The following UBE3D variants were observed in gnomAD, a reference collection of about 807,000 sequenced individuals.
The protein encoded by UBE3D is ubiquitin protein ligase E3D.
Under a neutral mutation model 49.6 loss-of-function variants are expected in UBE3D, and 48 were observed. The observed-to-expected ratio is 0.97, with a 90% CI of 0.77 to 1.23. The LOEUF is 1.23. Ranked by LOEUF, UBE3D falls within the 50% of genes most tolerant of loss-of-function variation. UBE3D has a pLI of 0.00. For missense variants in UBE3D, 452 were observed against 468.4 expected, an observed-to-expected ratio of 0.96 and a Z score of 0.32; for synonymous variants, 189 against 174.2, an observed-to-expected ratio of 1.08 and a Z score of -0.67.
chr6:83,011,100 T>G (rs1780307499), intron 8 of UBE3D, among the ~76,000 whole-genome samples: 1 of 152,136 alleles, frequency 6.6e-6, no homozygotes. Flanking sequence ...ACAACGGAAA[T>G]GCACCAATCC....
rs1197785419 is a variant in UBE3D at position 82,892,783 on chromosome 6, C to G, written c.*239G>C. 3.9e-6 allele frequency: 2 copies of G among 513,664 alleles called. No individual in the cohort carries two copies. Among genetic ancestry groups the G allele is most frequent in the African/African-American group, 3.9e-5 (2 of 51,528 alleles). 31.8% of individuals were successfully genotyped at this position (513,664 alleles called of 1,614,324 possible). On this transcript the variant is annotated 3_prime_UTR_variant, in exon 10 of 10. Transcript: ENST00000369747. ...GGGAAATAGAGATGTAACTTCTACACTTGCCTCAACCTGCTACTATGACTT... is the reference window on the plus strand; with the variant it reads ...GGGAAATAGAGATGTAACTTCTACAGTTGCCTCAACCTGCTACTATGACTT...
At chr6:82,933,715 A>C (rs1194592072) in intron 9 of UBE3D, among the ~76,000 whole-genome samples, 1 of 152,210 alleles carries the variant, frequency 6.6e-6, no homozygotes, top group Non-Finnish European at 1.5e-5. Flanking sequence ...ATGAAAACAA[A>C]GGTTAAATCA....
At chr6:82,976,529 T>G (rs1358724696) in intron 8 of UBE3D, among the ~76,000 whole-genome samples, 1 of 152,154 alleles carries the variant, frequency 6.6e-6, no homozygotes, top group Non-Finnish European at 1.5e-5. Flanking sequence ...CCCAACCTGT[T>G]TAAGTTTTTA....
At chr6:82,953,858 G>T (rs150000117) in intron 9 of UBE3D, among the ~76,000 whole-genome samples, 1 of 152,208 alleles carries the variant, frequency 6.6e-6, no homozygotes, top group Non-Finnish European at 1.5e-5. Context: ...TGTGAAGAAG[G>T]GGGGTCAGGT....
intron 8 of UBE3D, among the ~76,000 whole-genome samples, chr6:83,011,288 T>G (rs1780320421): frequency 6.6e-6 from 1 of 152,204 alleles, no homozygotes; most frequent in Non-Finnish European, 1.5e-5. Flanking sequence ...ACACTTACAT[T>G]CCTTGTTTCT....
rs536775207 is a variant in UBE3D, at chr6:82,945,145, T to C, written c.1149+12167A>G. On this transcript the variant is annotated intron_variant, in intron 9 of 9. Transcript: ENST00000369747. ...GGTGTTGGCCAAGTATTGGTTACAG[T>C]GGACACTGGGTGAGACTCAGGGATG... Among the ~76,000 whole-genome samples, 4 of 152,274 alleles carry C rather than the reference T, an allele frequency of 2.6e-5. No individual in the cohort carries two copies. The East Asian group carries it at 7.7e-4, about 29-fold the overall frequency.
chr6:82,971,600 A>T (rs1441896427), intron 8 of UBE3D, among the ~76,000 whole-genome samples: 2 of 151,912 alleles, frequency 1.3e-5, no homozygotes, highest in Non-Finnish European at 2.9e-5. Context: ...TCTTTTTTTT[A>T]AAATATTGAG....
intron 8 of UBE3D, among the ~76,000 whole-genome samples, chr6:82,991,730 C>T (rs1019038444): frequency 6.6e-6 from 1 of 152,044 alleles, no homozygotes; most frequent in African/African-American, 2.4e-5. Flanking sequence ...GCATAGCAAT[C>T]CCTGAGCAGT....
chr6:82,927,280 A>C (rs1409341868), intron 9 of UBE3D, among the ~76,000 whole-genome samples: 1 of 151,642 alleles, frequency 6.6e-6, no homozygotes, highest in East Asian at 1.9e-4. Flanking sequence ...GTAAGTCTTA[A>C]AGTAGGGTAG....
intron 8 of UBE3D, among the ~76,000 whole-genome samples, chr6:83,014,347 C>T (rs1780545986): frequency 6.6e-6 from 1 of 152,204 alleles, no homozygotes; most frequent in African/African-American, 2.4e-5. Context: ...TAGGTAGAGT[C>T]AGCTCTAATG....
At chr6:83,000,152 A>G (rs1198726053) in intron 8 of UBE3D, among the ~76,000 whole-genome samples, 1 of 152,058 alleles carries the variant, frequency 6.6e-6, no homozygotes, top group Non-Finnish European at 1.5e-5. Context: ...TTCCTAAATA[A>G]TCTTACCCAT....
rs115057957 is a variant in UBE3D at position 82,999,272 on chromosome 6, C to T, written c.1010+19701G>A. ...GAGCTATCCTGCTCCTGAGGCTGGTCGGTCCACCAGAGCTTGAGATACCAG... is the reference window on the plus strand; with the variant it reads ...GAGCTATCCTGCTCCTGAGGCTGGTTGGTCCACCAGAGCTTGAGATACCAG... On this transcript the variant is annotated intron_variant, in intron 8 of 9. Coordinates refer to ENST00000369747, the MANE Select transcript of UBE3D (RefSeq NM_198920.3). 1.8e-3 allele frequency among the ~76,000 whole-genome samples: 276 copies of T among 152,276 alleles called. 2 individuals carry two copies. The highest frequency in any genetic ancestry group is 5.8e-4 in the East Asian group (3 of 5,178).
chr6:82,978,115 T>A (rs985877061), intron 8 of UBE3D, among the ~76,000 whole-genome samples: 3 of 135,740 alleles, frequency 2.2e-5, no homozygotes, highest in Non-Finnish European at 4.8e-5. Context: ...ATACCACAAA[T>A]GAAAAGGTGC....
chr6:83,051,529 T>G (rs573952878), intron 3 of UBE3D, among the ~76,000 whole-genome samples: 1 of 152,370 alleles, frequency 6.6e-6, no homozygotes, highest in African/African-American at 2.4e-5. Flanking sequence ...TTACACTGAT[T>G]TAACATGTTC....
intron 5 of UBE3D, among the ~76,000 whole-genome samples, chr6:83,030,975 G>C (rs1781824409): frequency 6.6e-6 from 1 of 152,092 alleles, no homozygotes; most frequent in Non-Finnish European, 1.5e-5. Context: ...CTTTGAACTT[G>C]AGAGAGATGA....
intron 4 of UBE3D, among the ~76,000 whole-genome samples, chr6:83,041,796 T>C (rs986859827): frequency 6.6e-6 from 1 of 152,240 alleles, no homozygotes; most frequent in Non-Finnish European, 1.5e-5. Context: ...TCATCCTTGC[T>C]AGCAGTAATA....
At chr6:83,017,942 T>C (rs999409834) in intron 8 of UBE3D, 5 of 152,062 alleles carry the variant, frequency 3.3e-5, no homozygotes, top group African/African-American at 9.7e-5. Flanking sequence ...CTCTAAGACA[T>C]GGGCTTTTTT....
chr6:82,904,004 G>C (rs1771922344), intron 9 of UBE3D, among the ~76,000 whole-genome samples: 1 of 152,078 alleles, frequency 6.6e-6, no homozygotes, highest in Non-Finnish European at 1.5e-5. Flanking sequence ...GTAGGGTATG[G>C]GACCAGAAAA....
chr6:82,907,170 G>A (rs1315215194), intron 9 of UBE3D, among the ~76,000 whole-genome samples: 1 of 152,194 alleles, frequency 6.6e-6, no homozygotes, highest in East Asian at 1.9e-4. Context: ...ACTGCCTTAT[G>A]TGGGGACAGG....
Sources: allele counts gnomAD v4.1 joint callset (sites outside exome capture counted in the v4.1 genomes callset), GRCh38; gene constraint gnomAD v4.1.1; transcripts MANE v1.5; gene names NCBI Gene and HGNC (gene_info 2026-07-23, HGNC 2026-07-21).